The following CLMN variants were observed in gnomAD, a reference collection of about 807,000 sequenced individuals.
CLMN encodes the protein calmin (calponin-like, transmembrane).
Under a neutral mutation model 92.7 loss-of-function variants are expected in CLMN, and 57 were observed. The ratio of observed to expected loss-of-function variants is 0.61; its 90% CI spans 0.50 to 0.77. The LOEUF (loss-of-function observed/expected upper bound fraction) is 0.77. Ranked by LOEUF, CLMN falls within the 30% of genes least tolerant of loss-of-function variation. The pLI is 0.00. For synonymous variants in CLMN, 466 were observed against 470.6 expected (o/e 0.99, Z 0.13); for missense variants, 1,158 against 1,237.5 (o/e 0.94, Z 0.96).
At chr14:95,241,219 G>A (rs1898231789) in intron 1 of CLMN, among the ~76,000 whole-genome samples, 1 of 152,088 alleles carries the variant, frequency 6.6e-6, no homozygotes, top group South Asian at 2.1e-4. Flanking sequence ...AATCAGCTGG[G>A]AGATGATCTA....
At chr14:95,274,529 C>T (rs1899847341) in intron 1 of CLMN, among the ~76,000 whole-genome samples, 1 of 152,162 alleles carries the variant, frequency 6.6e-6, no homozygotes, top group Non-Finnish European at 1.5e-5. Context: ...CCATCAGGTT[C>T]CTGGCACCTG....
At chr14:95,277,576 T>C (rs1899982307) in intron 1 of CLMN, among the ~76,000 whole-genome samples, 1 of 152,272 alleles carries the variant, frequency 6.6e-6, no homozygotes, top group Non-Finnish European at 1.5e-5. Flanking sequence ...CAATGGAGAC[T>C]GCCCAATGCT....
At chr14:95,255,616 T>C (rs77821526) in intron 1 of CLMN, among the ~76,000 whole-genome samples, 18,889 of 152,100 alleles carry the variant, frequency 0.12, 1,735 homozygotes, top group African/African-American at 0.25. Context: ...TCCAGCAGCC[T>C]TAGCAAATGA....
intron 2 of CLMN, 93 bp downstream of exon 2, chr14:95,229,979 G>A (rs1480285377): frequency 2.5e-6 from 3 of 1,190,908 alleles, no homozygotes; most frequent in Non-Finnish European, 3.8e-6. Flanking sequence ...AACAGAAAGA[G>A]CACAGGTCAC....
chr14:95,284,520 G>A (rs10146378), intron 1 of CLMN, among the ~76,000 whole-genome samples: 24,524 of 152,152 alleles, frequency 0.16, 2,722 homozygotes, highest in African/African-American at 0.31. Context: ...AGCCAGGAGG[G>A]AGGCTGTACC....
At chr14:95,213,751 C>T (rs1044252668) in intron 5 of CLMN, among the ~76,000 whole-genome samples, 1 of 152,198 alleles carries the variant, frequency 6.6e-6, no homozygotes, top group African/African-American at 2.4e-5. Flanking sequence ...CCAGACTTCA[C>T]TGAGCTCTTT....
At chr14:95,300,845 C>T (rs1169813787) in intron 1 of CLMN, among the ~76,000 whole-genome samples, 2 of 152,260 alleles carry the variant, frequency 1.3e-5, no homozygotes, top group Admixed American at 6.5e-5. Context: ...GTTCTCCTCA[C>T]TTCTGTATCC....
At chr14:95,301,983 G>T (rs1289971480) in intron 1 of CLMN, among the ~76,000 whole-genome samples, 3 of 152,122 alleles carry the variant, frequency 2.0e-5, no homozygotes, top group Non-Finnish European at 4.4e-5. Context: ...CATTCAGTTG[G>T]GCCACCACAA....
At chr14:95,272,849 C>T (rs1899767929) in intron 1 of CLMN, among the ~76,000 whole-genome samples, 1 of 152,204 alleles carries the variant, frequency 6.6e-6, no homozygotes, top group Non-Finnish European at 1.5e-5. Flanking sequence ...TTGAAAACCT[C>T]CCTTGTTCAT....
chr14:95,197,876 G>T (rs958167116), intron 9 of CLMN, among the ~76,000 whole-genome samples: 1 of 152,040 alleles, frequency 6.6e-6, no homozygotes, highest in East Asian at 1.9e-4. Flanking sequence ...GAAAAGCTGC[G>T]CTCAGCAATC....
At chr14:95,206,224 A>C (rs1897043441) in intron 8 of CLMN, among the ~76,000 whole-genome samples, 2 of 152,336 alleles carry the variant, frequency 1.3e-5, no homozygotes, top group South Asian at 4.1e-4. Flanking sequence ...AATATAATAA[A>C]TTGTGTCTGT....
In CLMN at chr14:95,187,596, C is replaced by T. The variant is rs1174175939; in HGVS notation, c.*3968G>A. 3 of 152,332 alleles carry T rather than the reference C, an allele frequency of 2.0e-5. No homozygotes were observed. The highest frequency in any genetic ancestry group is 4.8e-5 in the African/African-American group (2 of 41,462). 9.4% of individuals were successfully genotyped at this position (152,332 alleles called of 1,614,324 possible). A position where few individuals can be genotyped will look rare whatever the true frequency, so the allele number is the denominator to read the frequency against. Reference sequence around the variant, plus strand: ...CAGCCAGATGACCACTGTGCTCCTACTCCATGGAGAAATCAGAGCAGCTCC... The same window carrying T: ...CAGCCAGATGACCACTGTGCTCCTATTCCATGGAGAAATCAGAGCAGCTCC... On this transcript the variant is annotated 3_prime_UTR_variant, in exon 13 of 13. Transcript: ENST00000298912.
intron 8 of CLMN, among the ~76,000 whole-genome samples, chr14:95,205,975 G>T (rs1261109143): frequency 6.6e-6 from 1 of 152,088 alleles, no homozygotes; most frequent in Non-Finnish European, 1.5e-5. Flanking sequence ...ATAAACGTAT[G>T]AAAAATGTAC....
chr14:95,260,135 G>C (rs1899191132), intron 1 of CLMN, among the ~76,000 whole-genome samples: 1 of 152,128 alleles, frequency 6.6e-6, no homozygotes, highest in African/African-American at 2.4e-5. Context: ...CCTGCATATT[G>C]GTTCACTAGA....
rs368901547 is a variant in CLMN, at chr14:95,196,879, C to T, written c.2512-185G>A. Among the ~76,000 whole-genome samples the T allele has an allele frequency of 3.3e-5, 5 of 152,346 alleles. No individual in the cohort carries two copies. The East Asian group carries it at 5.8e-4, about 18-fold the overall frequency. ...ATGAGAGACAAGTCCACCCCAACTC[C>T]GGCCCCTGGTACAGACTTCAAATGC... On this transcript the variant is annotated intron_variant, in intron 9 of 12. Coordinates refer to ENST00000298912, the MANE Select transcript of CLMN (RefSeq NM_024734.4).
At chr14:95,318,259 T>C (rs985825497) in intron 1 of CLMN, among the ~76,000 whole-genome samples, 2 of 152,180 alleles carry the variant, frequency 1.3e-5, no homozygotes, top group African/African-American at 4.8e-5. Flanking sequence ...CCAAACAGGA[T>C]GTCAGTTCTT....
intron 1 of CLMN, among the ~76,000 whole-genome samples, chr14:95,255,145 T>G (rs1423420014): frequency 6.6e-6 from 1 of 152,104 alleles, no homozygotes; most frequent in East Asian, 1.9e-4. Flanking sequence ...GGGACGGCCA[T>G]CTGCAAGCCA....
intron 2 of CLMN, among the ~76,000 whole-genome samples, chr14:95,227,075 C>T (rs1353894914): frequency 3.5e-4 from 54 of 152,180 alleles, no homozygotes; most frequent in Non-Finnish European, 2.8e-4. Flanking sequence ...ATTAATGGGG[C>T]ATGGAGCTCC....
intron 4 of CLMN, among the ~76,000 whole-genome samples, chr14:95,218,953 G>A (rs765795668): frequency 4.6e-5 from 7 of 152,200 alleles, no homozygotes; most frequent in Non-Finnish European, 8.8e-5. Flanking sequence ...CTGTTCCTAG[G>A]CTAGTCCTTC....
Sources: allele counts gnomAD v4.1 joint callset (sites outside exome capture counted in the v4.1 genomes callset), GRCh38; gene constraint gnomAD v4.1.1; transcripts MANE v1.5; gene names NCBI Gene and HGNC (gene_info 2026-07-23, HGNC 2026-07-21).